Variants in SPRED1 observed in about 807,000 individuals in gnomAD.
SPRED1 encodes sprouty related EVH1 domain containing 1.
In SPRED1, 18 loss-of-function variants were observed where a neutral mutation model predicts 52.3. The ratio of observed to expected loss-of-function variants is 0.34; its 90% confidence interval spans 0.24 to 0.51. The LOEUF (loss-of-function observed/expected upper bound fraction) is 0.51. SPRED1 is among the 20% of genes least tolerant of loss of function. The probability of loss-of-function intolerance (pLI) is 0.97; values close to 1 mark genes in which losing one functional copy is unlikely to be tolerated. For missense variants in SPRED1, 485 were observed against 551.0 expected, an observed-to-expected ratio of 0.88 and a Z score of 1.20; for synonymous variants, 155 against 179.7, an observed-to-expected ratio of 0.86 and a Z score of 1.10.
chr15:38,347,000 T>C (rs892607079), intron 5 of SPRED1, among the ~76,000 whole-genome samples: 1 of 152,200 alleles, frequency 6.6e-6, no homozygotes, highest in African/African-American at 2.4e-5. Flanking sequence ...TTTCTGAGTT[T>C]TATTTGTGGC....
chr15:38,348,148 C>G (rs1407032282), intron 5 of SPRED1, among the ~76,000 whole-genome samples: 1 of 151,856 alleles, frequency 6.6e-6, no homozygotes, highest in African/African-American at 2.4e-5. Flanking sequence ...TGTGTTCTAT[C>G]AGGAAAAAAA....
rs796330145 is a variant in SPRED1, at chr15:38,334,327, G to A, written c.424-5410G>A. Among the ~76,000 whole-genome samples, 30 of 152,114 alleles carry A rather than the reference G, an allele frequency of 2.0e-4. 1 individual carries two copies. Among genetic ancestry groups the A allele is most frequent in the African/African-American group, 7.0e-4 (29 of 41,550 alleles). On this transcript the variant is annotated intron_variant, in intron 4 of 6. Coordinates refer to ENST00000299084, the MANE Select transcript of SPRED1 (RefSeq NM_152594.3). ...TGAGGGTCCAAGTGGTAGAGGTGGG[G>A]GGTGCTAATACAGAGAAACACAGAG...
intron 1 of SPRED1, among the ~76,000 whole-genome samples, chr15:38,275,591 A>G (rs1291409993): frequency 6.6e-6 from 1 of 152,144 alleles, no homozygotes; most frequent in Non-Finnish European, 1.5e-5. Flanking sequence ...TTTGCCTCCC[A>G]GGTTCAATCA....
chr15:38,347,485 T>TTTTTTTTTTTTTTTTTTTTTC (rs869310453), intron 5 of SPRED1, among the ~76,000 whole-genome samples: 1 of 94,060 alleles, frequency 1.1e-5, no homozygotes, highest in African/African-American at 3.8e-5. Flanking sequence ...TTTTTTTTTT[T>TTTTTTTTTTTTTTTTTTTTTC]CAATTTGGCT....
At chr15:38,337,108 T>C (rs984860068) in intron 4 of SPRED1, among the ~76,000 whole-genome samples, 3 of 152,210 alleles carry the variant, frequency 2.0e-5, no homozygotes, top group African/African-American at 7.2e-5. Context: ...TATTGCATTA[T>C]TATTAAAATT....
intron 1 of SPRED1, among the ~76,000 whole-genome samples, chr15:38,288,481 A>G (rs1262541187): frequency 6.6e-6 from 1 of 152,196 alleles, no homozygotes; most frequent in Non-Finnish European, 1.5e-5. Flanking sequence ...CAGAAAAAGA[A>G]ATAGTGGAGA....
rs1021431915 is a variant in SPRED1, at chr15:38,357,040, T to C, written c.*5376T>C. The C allele has an allele frequency of 3.9e-5, 6 of 152,194 alleles. No individual in the cohort carries two copies. Among genetic ancestry groups the C allele is most frequent in the African/African-American group, 1.4e-4 (6 of 41,466 alleles). The allele number at this position is 152,194 out of a possible 1,614,324, so 9.4% of individuals were successfully genotyped here. A position where few individuals can be genotyped will look rare whatever the true frequency, so the allele number is the denominator to read the frequency against. On this transcript the variant is annotated 3_prime_UTR_variant, in exon 7 of 7. Coordinates refer to ENST00000299084, the MANE Select transcript of SPRED1 (RefSeq NM_152594.3). The stretch of plus-strand genomic sequence containing the variant: ...CCACAAGTAAGTAGAATAGCTTTTA[T>C]AACAAGGAAATTGAAACTAGGGTTC...
intron 2 of SPRED1, among the ~76,000 whole-genome samples, chr15:38,308,417 C>T (rs762671396): frequency 7.2e-5 from 11 of 152,132 alleles, no homozygotes; most frequent in African/African-American, 1.7e-4. Flanking sequence ...AGTTTTATCA[C>T]GTTTTCACTA....
intron 1 of SPRED1, among the ~76,000 whole-genome samples, chr15:38,279,186 T>C (rs1170609849): frequency 6.6e-6 from 1 of 152,200 alleles, no homozygotes; most frequent in Non-Finnish European, 1.5e-5. Flanking sequence ...TCTGTGGATG[T>C]GGTACCCACA....
chr15:38,314,619 A>G (rs1010091540), intron 2 of SPRED1, among the ~76,000 whole-genome samples: 1 of 151,876 alleles, frequency 6.6e-6, no homozygotes, highest in African/African-American at 2.4e-5. Flanking sequence ...TCTAGGTAGA[A>G]GTGTGGGTTT....
At chr15:38,335,634 G>A (rs1393978011) in intron 4 of SPRED1, among the ~76,000 whole-genome samples, 36 of 152,008 alleles carry the variant, frequency 2.4e-4, no homozygotes, top group Non-Finnish European at 1.5e-5. Context: ...CAGTATATTT[G>A]TATTATATTT....
At chr15:38,269,905 CTTTTTT>C (rs10566946) in intron 1 of SPRED1, among the ~76,000 whole-genome samples, 2 of 92,008 alleles carry the variant, frequency 2.2e-5, no homozygotes, top group African/African-American at 3.8e-5. Context: ...TTCTTTCTTT[CTTTTTT>C]TTTTTTTTTT....
intron 1 of SPRED1, among the ~76,000 whole-genome samples, chr15:38,283,854 G>A (rs963429142): frequency 2.6e-5 from 4 of 152,022 alleles, no homozygotes; most frequent in African/African-American, 9.7e-5. Flanking sequence ...AAATAGATTA[G>A]GTAGATAGAG....
chr15:38,274,632 A>G (rs928489667), intron 1 of SPRED1, among the ~76,000 whole-genome samples: 1 of 152,190 alleles, frequency 6.6e-6, no homozygotes, highest in Admixed American at 6.5e-5. Context: ...ATTCGTATCT[A>G]TTGATATTAT....
chr15:38,290,990 C>T (rs1894913272), intron 1 of SPRED1, among the ~76,000 whole-genome samples: 1 of 152,114 alleles, frequency 6.6e-6, no homozygotes, highest in Non-Finnish European at 1.5e-5. Context: ...CCCAAAAGTC[C>T]AGAGTCCAAA....
chr15:38,324,990 A>G (rs969682309), intron 4 of SPRED1, among the ~76,000 whole-genome samples, 181 bp downstream of exon 4: 2 of 152,170 alleles, frequency 1.3e-5, no homozygotes, highest in African/African-American at 4.8e-5. Context: ...AAAATCTGAA[A>G]TGTTCCAAAA....
chr15:38,258,140 C>G (rs1168154714), intron 1 of SPRED1, among the ~76,000 whole-genome samples: 1 of 152,186 alleles, frequency 6.6e-6, no homozygotes, highest in Non-Finnish European at 1.5e-5. Flanking sequence ...CATTAAATAA[C>G]AGCTGCTAAA....
chr15:38,278,884 G>C (rs973354301), intron 1 of SPRED1, among the ~76,000 whole-genome samples: 1 of 143,838 alleles, frequency 7.0e-6, no homozygotes. Flanking sequence ...CTGGAGTGCA[G>C]TGGCGGAATC....
At chr15:38,287,959 T>C (rs892272785) in intron 1 of SPRED1, among the ~76,000 whole-genome samples, 2 of 152,168 alleles carry the variant, frequency 1.3e-5, no homozygotes, top group Non-Finnish European at 2.9e-5. Context: ...TCTCTTAGGA[T>C]CCAGAGTACT....
Sources: allele counts gnomAD v4.1 joint callset (sites outside exome capture counted in the v4.1 genomes callset), GRCh38; gene constraint gnomAD v4.1.1; transcripts MANE v1.5; gene names NCBI Gene and HGNC (gene_info 2026-07-23, HGNC 2026-07-21).